Variants in TMPRSS9 observed in about 807,000 individuals in gnomAD.
TMPRSS9 encodes transmembrane protease serine 9.
TMPRSS9 carries 113 observed loss-of-function variants against 111.4 expected under a neutral mutation model. The observed-to-expected ratio is 1.01, with a 90% CI of 0.87 to 1.19. The LOEUF (loss-of-function observed/expected upper bound fraction) is 1.19. Among genes scored for constraint, TMPRSS9 ranks in the 50% most tolerant of loss-of-function variants. The probability of loss-of-function intolerance (pLI) is 0.00; values close to 1 mark genes in which losing one functional copy is unlikely to be tolerated. For synonymous variants in TMPRSS9, 805 were observed against 659.1 expected, an observed-to-expected ratio of 1.22 and a Z score of -3.39; for missense variants, 1,803 against 1,513.1, an observed-to-expected ratio of 1.19 and a Z score of -3.18.
chr19:2,425,085 G>T (rs764178818), exon 16 of TMPRSS9: 1 of 1,578,990 alleles, frequency 6.3e-7, no homozygotes, highest in South Asian at 1.1e-5. Flanking sequence ...CGCGTGGCGC[G>T]CATCTACAAG....
At chr19:2,412,129 C>T (rs1324291069) in intron 9 of TMPRSS9, among the ~76,000 whole-genome samples, 3 of 152,168 alleles carry the variant, frequency 2.0e-5, no homozygotes, top group African/African-American at 7.2e-5. Context: ...TGCAGTGGCT[C>T]ACACCTGTAA....
chr19:2,374,427 A>G (rs1216320508), intron 1 of TMPRSS9, among the ~76,000 whole-genome samples: 1 of 128,046 alleles, frequency 7.8e-6, no homozygotes, highest in Non-Finnish European at 1.6e-5. Flanking sequence ...TACAAAAATT[A>G]GCTGGGTGTG....
intron 1 of TMPRSS9, among the ~76,000 whole-genome samples, chr19:2,384,417 T>C (rs1599281176): frequency 6.6e-6 from 1 of 152,178 alleles, no homozygotes; most frequent in African/African-American, 2.4e-5. Context: ...GGCTCCCGCC[T>C]GTAATCCCAG....
intron 1 of TMPRSS9, among the ~76,000 whole-genome samples, chr19:2,375,538 C>G (rs1450287769): frequency 6.6e-6 from 1 of 150,676 alleles, no homozygotes; most frequent in East Asian, 2.0e-4. Context: ...GGACCAATCA[C>G]TGATGGGGAT....
chr19:2,374,824 T>A (rs542345484), intron 1 of TMPRSS9, among the ~76,000 whole-genome samples: 16 of 152,280 alleles, frequency 1.1e-4, no homozygotes, highest in African/African-American at 3.1e-4. Context: ...GTTGATTGTA[T>A]TGTGTTCTTC....
chr19:2,414,100 A>C, intron 10 of TMPRSS9, 82 bp downstream of exon 11: 1 of 1,377,558 alleles, frequency 7.3e-7, no homozygotes, highest in Middle Eastern at 1.9e-4. Context: ...TAGTATCTTC[A>C]TAATTTTGGA....
intron 8 of TMPRSS9, among the ~76,000 whole-genome samples, 189 bp downstream of exon 9, chr19:2,408,819 TACAC>T (rs146305631): frequency 6.7e-6 from 1 of 148,572 alleles, no homozygotes; most frequent in African/African-American, 2.5e-5. Flanking sequence ...TACTAAAAAA[TACAC>T]ACACACACAC....
At chr19:2,400,277 T>C (rs572901690) in intron 4 of TMPRSS9, among the ~76,000 whole-genome samples, 6 of 152,170 alleles carry the variant, frequency 3.9e-5, no homozygotes, top group Admixed American at 1.3e-4. Flanking sequence ...TGTGGTGGCT[T>C]ATGCCTGTAA....
chr19:2,400,924 C>T lies in TMPRSS9; in HGVS notation c.515-1051C>T, dbSNP rs559921928. ...GGTGGAGGTGGAGGTTGCAGTGAGC[C>T]AAGATAGCACCACTGCACTGTAGCC... On this transcript the variant is annotated intron_variant, in intron 4 of 17. Coordinates refer to ENST00000648592, the Ensembl canonical transcript of TMPRSS9. Among the ~76,000 whole-genome samples the T allele has an allele frequency of 2.0e-4, 27 of 138,254 alleles. No homozygotes were observed. In the South Asian group the frequency reaches 5.8e-3, roughly 30 times the overall value. 90.7% of individuals were successfully genotyped at this position (138,254 alleles called of 152,430 possible).
chr19:2,414,256 T>TC (rs1193531725), intron 10 of TMPRSS9: 14 of 433,890 alleles, frequency 3.2e-5, no homozygotes, highest in Non-Finnish European at 4.9e-5. Context: ...TTTTTTTTTT[T>TC]TGAGACGCAG....
At chr19:2,407,740 C>G (rs1013069279) in intron 7 of TMPRSS9, among the ~76,000 whole-genome samples, 1 of 149,678 alleles carries the variant, frequency 6.7e-6, no homozygotes, top group Non-Finnish European at 1.5e-5. Context: ...ACCTCAGCCT[C>G]CTGAGGAGCT....
At chr19:2,412,432 C>T (rs1043177830) in intron 9 of TMPRSS9, among the ~76,000 whole-genome samples, 4 of 152,102 alleles carry the variant, frequency 2.6e-5, no homozygotes, top group African/African-American at 4.8e-5. Flanking sequence ...AAAAATGTCG[C>T]TCAATTCTTG....
At chr19:2,368,809 G>C (rs1438160140) in intron 1 of TMPRSS9, among the ~76,000 whole-genome samples, 2 of 37,704 alleles carry the variant, frequency 5.3e-5, no homozygotes, top group African/African-American at 2.0e-4. Flanking sequence ...TTTAAAGACA[G>C]AGTCTCACTC....
intron 13 of TMPRSS9, among the ~76,000 whole-genome samples, 186 bp downstream of exon 14, chr19:2,418,324 TCCCTCCC>T (rs1971319980): frequency 7.9e-5 from 2 of 25,384 alleles, no homozygotes; most frequent in African/African-American, 4.2e-4. Flanking sequence ...CCTCCCTCCC[TCCCTCCC>T]TTTCCTTCCC....
chr19:2,379,615 C>CTCTTTCTT (rs34251969), intron 1 of TMPRSS9, among the ~76,000 whole-genome samples: 22,354 of 118,276 alleles, frequency 0.19, 2,478 homozygotes, highest in Non-Finnish European at 0.21. Context: ...AACTTTCTTT[C>CTCTTTCTT]TCTTTCTTTC....
chr19:2,387,518 A>AGGAAGGGAAG (rs1254727327), upstream of TMPRSS9, among the ~76,000 whole-genome samples: 436 of 150,354 alleles, frequency 2.9e-3, 5 homozygotes, highest in African/African-American at 9.9e-3. Flanking sequence ...AGGAAAGGAA[A>AGGAAGGGAAG]GGAAAGGAAG....
At chr19:2,394,514 T>A (rs1970667193) in intron 1 of TMPRSS9, among the ~76,000 whole-genome samples, 2 of 152,152 alleles carry the variant, frequency 1.3e-5, no homozygotes, top group African/African-American at 2.4e-5. Context: ...ACTTCCTGAA[T>A]CTGCAGTTGT....
chr19:2,418,280 T>TCC lies in TMPRSS9; in HGVS notation c.2154+142_2154+143insCC, dbSNP rs1568189133. The stretch of plus-strand genomic sequence containing the variant: ...CTTCCCTCCTTGTCCTTCCCTCCTT[T>TCC]TCCTTTCCTCCTTTCCTTCCCTCCC... On this transcript the variant is annotated intron_variant, in intron 13 of 17. Transcript: ENST00000648592. 3.1e-3 allele frequency: 1,914 copies of TCC among 621,916 alleles called. 161 individuals are homozygous for TCC. In the African/African-American group the frequency reaches 0.033, roughly 11 times the overall value. 38.5% of individuals were successfully genotyped at this position (621,916 alleles called of 1,614,324 possible). A position where few individuals can be genotyped will look rare whatever the true frequency, so the allele number is the denominator to read the frequency against.
chr19:2,367,678 C>T (rs1012455502), intron 1 of TMPRSS9, among the ~76,000 whole-genome samples: 2 of 152,050 alleles, frequency 1.3e-5, no homozygotes, highest in Non-Finnish European at 2.9e-5. Context: ...ATTCTCCTGC[C>T]TCAGCCTCCC....
Sources: allele counts gnomAD v4.1 joint callset (sites outside exome capture counted in the v4.1 genomes callset), GRCh38; gene constraint gnomAD v4.1.1; transcripts MANE v1.5; gene names NCBI Gene and HGNC (gene_info 2026-07-23, HGNC 2026-07-21).